Variants in SNTA1 observed in about 807,000 individuals in gnomAD.
SNTA1 encodes the protein syntrophin alpha 1, also known as alpha-1-syntrophin.
Under a neutral mutation model 47.1 loss-of-function variants are expected in SNTA1, and 31 were observed. The ratio of observed to expected loss-of-function variants is 0.66; its 90% confidence interval spans 0.49 to 0.89. The LOEUF (loss-of-function observed/expected upper bound fraction) is 0.89, where lower values mean the gene tolerates loss of function less well. Among genes scored for constraint, SNTA1 ranks in the 40% least tolerant of loss-of-function variants. SNTA1 has a pLI of 0.00. For synonymous variants in SNTA1, 300 were observed against 313.6 expected (o/e 0.96, Z 0.46); for missense variants, 575 against 693.0 (o/e 0.83, Z 1.91).
At chr20:33,435,079 G>A (rs1990407439) in intron 2 of SNTA1, among the ~76,000 whole-genome samples, 1 of 130,142 alleles carries the variant, frequency 7.7e-6, no homozygotes, top group Non-Finnish European at 1.6e-5. Flanking sequence ...TGCAACCTCC[G>A]CCTCCCGTGT....
At chr20:33,441,932 T>C (rs1990587998) in intron 1 of SNTA1, among the ~76,000 whole-genome samples, 1 of 152,158 alleles carries the variant, frequency 6.6e-6, no homozygotes, top group African/African-American at 2.4e-5. Flanking sequence ...CCTCATTTTC[T>C]CATTTCTCCT....
At chr20:33,428,678 C>T (rs1031264653) in intron 2 of SNTA1, among the ~76,000 whole-genome samples, 1 of 151,866 alleles carries the variant, frequency 6.6e-6, no homozygotes, top group Non-Finnish European at 1.5e-5. Context: ...TGGGCTCAAG[C>T]AATCCTCCTA....
chr20:33,432,478 A>T (rs1301199478), intron 2 of SNTA1, among the ~76,000 whole-genome samples: 5 of 152,128 alleles, frequency 3.3e-5, no homozygotes, highest in Non-Finnish European at 5.9e-5. Context: ...GTCTCCAAAC[A>T]CTCACCAAGA....
At chr20:33,410,384 A>T in intron 5 of SNTA1, 53 bp from the exon 6 acceptor site, 1 of 1,237,172 alleles carries the variant, frequency 8.1e-7, no homozygotes, top group Non-Finnish European at 1.2e-6. Context: ...GGAGGCAAAT[A>T]GTTCTGGGCA....
chr20:33,420,992 A>G (rs116580518), intron 2 of SNTA1, among the ~76,000 whole-genome samples: 1 of 151,684 alleles, frequency 6.6e-6, no homozygotes, highest in African/African-American at 2.4e-5. Context: ...TCAAAAAAAA[A>G]AAAGAAAAAG....
intron 1 of SNTA1, among the ~76,000 whole-genome samples, chr20:33,442,042 G>T (rs781734026): frequency 5.3e-5 from 8 of 152,136 alleles, no homozygotes; most frequent in Non-Finnish European, 1.0e-4. Flanking sequence ...GATAATTAAG[G>T]TTCAAATCCC....
Position 33,443,585 on chromosome 20 carries a change from C to G in SNTA1, c.36G>C (p.Leu12=), listed in dbSNP as rs949722422. ...ASGRRAPRTG[L]LELRAGAGSG... ...AGCCCGCCCCGGCGCGCAGCTCCAG[C>G]AGCCCGGTGCGCGGGGCGCGCCTGC... is the stretch of plus-strand genomic sequence containing the variant. Residue 12 remains leucine (L), a synonymous_variant, in exon 1 of 8, where the codon CTG becomes CTC. Coordinates refer to ENST00000217381, the MANE Select transcript of SNTA1 (RefSeq NM_003098.3). 18 of 1,270,078 alleles carry G rather than the reference C, an allele frequency of 1.4e-5. No homozygotes were observed. In the Admixed American group the frequency reaches 5.5e-4, roughly 39 times the overall value. 78.7% of individuals were successfully genotyped at this position (1,270,078 alleles called of 1,614,324 possible).
In SNTA1 at chr20:33,412,785, G is replaced by A. The variant is rs981085711; in HGVS notation, c.702-3C>T. On this transcript the variant is annotated splice_polypyrimidine_tract_variant and splice_region_variant and intron_variant, in intron 3 of 7. Transcript: ENST00000217381. ...CTGCCGAGCAGATCTCCAGATACCT[G>A]CAGGCACAAATGGGTGGAGACAAGG... 30 of 1,601,412 alleles carry A rather than the reference G, an allele frequency of 1.9e-5. No homozygotes were observed. Among genetic ancestry groups the A allele is most frequent in the Non-Finnish European group, 2.5e-5 (29 of 1,174,022 alleles).
At chr20:33,416,023 G>A (rs145974887) in intron 3 of SNTA1, among the ~76,000 whole-genome samples, 503 of 152,150 alleles carry the variant, frequency 3.3e-3, no homozygotes, top group Middle Eastern at 0.01. Context: ...CAGGAGAATC[G>A]CTTGAACCCG....
At chr20:33,426,414 G>A (rs995769699) in intron 2 of SNTA1, among the ~76,000 whole-genome samples, 1 of 145,856 alleles carries the variant, frequency 6.9e-6, no homozygotes, top group African/African-American at 2.6e-5. Flanking sequence ...TCGCCCCACT[G>A]CACTCCAGCC....
chr20:33,443,570 G>T lies in SNTA1; in HGVS notation c.51C>A (p.Ala17=). 1 of 1,321,140 alleles carries T rather than the reference G, an allele frequency of 7.6e-7. No individual in the cohort carries two copies. The highest frequency in any genetic ancestry group is 9.7e-7 in the Non-Finnish European group (1 of 1,027,950). The allele number at this position is 1,321,140 out of a possible 1,614,324, so 81.8% of individuals were successfully genotyped here. Residue 17 remains alanine, a synonymous_variant, in exon 1 of 8, where the codon GCC becomes GCA. Coordinates refer to ENST00000217381, the MANE Select transcript of SNTA1 (RefSeq NM_003098.3). ...APRTGLLELR[A]GAGSGAGGER... is the part of the protein sequence containing the mutation. ...CGCCGCCGGCCCCCGAGCCCGCCCC[G>T]GCGCGCAGCTCCAGCAGCCCGGTGC... is the stretch of plus-strand genomic sequence containing the variant.
chr20:33,420,689 G>T (rs1989995760), intron 2 of SNTA1, among the ~76,000 whole-genome samples: 1 of 152,106 alleles, frequency 6.6e-6, no homozygotes, highest in African/African-American at 2.4e-5. Flanking sequence ...TATTGAAAAT[G>T]CAGTTCCCGG....
At chr20:33,410,556 A>G (rs1989716459) in intron 5 of SNTA1, among the ~76,000 whole-genome samples, 1 of 152,186 alleles carries the variant, frequency 6.6e-6, no homozygotes, top group Admixed American at 6.5e-5. Flanking sequence ...CACACCTAGC[A>G]CATGCCTGCC....
intron 2 of SNTA1, among the ~76,000 whole-genome samples, chr20:33,435,305 G>C (rs560379027): frequency 2.0e-5 from 3 of 150,134 alleles, no homozygotes; most frequent in South Asian, 2.2e-4. Context: ...GGCTTTTAAA[G>C]AGTTTCTGTA....
chr20:33,422,418 G>T (rs1178717228), intron 2 of SNTA1, among the ~76,000 whole-genome samples: 1 of 146,806 alleles, frequency 6.8e-6, no homozygotes, highest in Non-Finnish European at 1.5e-5. Flanking sequence ...CAGCCTGGGC[G>T]ACAGAGCAAG....
chr20:33,440,326 C>T (rs1488716302), intron 1 of SNTA1, among the ~76,000 whole-genome samples: 1 of 148,940 alleles, frequency 6.7e-6, no homozygotes, highest in African/African-American at 2.5e-5. Context: ...CATGGGGGCG[C>T]ATGCCTGTAA....
At chr20:33,436,588 C>A (rs1343224756) in intron 2 of SNTA1, among the ~76,000 whole-genome samples, 2 of 152,128 alleles carry the variant, frequency 1.3e-5, no homozygotes, top group Non-Finnish European at 2.9e-5. Flanking sequence ...GCAATCCCAG[C>A]ACTTTGGGAG....
rs540069744 is a variant in SNTA1 at position 33,434,915 on chromosome 20, A to G, written c.496+3926T>C. Among the ~76,000 whole-genome samples, 59 of 151,510 alleles carry G rather than the reference A, an allele frequency of 3.9e-4. No individual in the cohort carries two copies. In the Middle Eastern group the frequency reaches 0.01, roughly 26 times the overall value. On this transcript the variant is annotated intron_variant, in intron 2 of 7. Coordinates refer to ENST00000217381, the MANE Select transcript of SNTA1 (RefSeq NM_003098.3). The stretch of plus-strand genomic sequence containing the variant: ...TCAATAGGAAAACTGAGTCCCCTAG[A>G]AGGCAAGGGTCTTACCCAAGGCCAA...
At chr20:33,417,951 C>T (rs1208891268) in intron 2 of SNTA1, 28 bp from the exon 3 acceptor site, 1 of 1,466,674 alleles carries the variant, frequency 6.8e-7, no homozygotes, top group Non-Finnish European at 9.6e-7. Context: ...CAGCAGTCAC[C>T]ACTGTGACAT....
Sources: gnomAD v4.1 joint callset for allele counts (sites outside exome capture counted in the v4.1 genomes callset) on GRCh38, gnomAD v4.1.1 for gene constraint, MANE v1.5 for transcripts, NCBI Gene and HGNC (gene_info 2026-07-23, HGNC 2026-07-21) for gene names.